NEBL: variants seen among roughly 807,000 people sequenced by gnomAD.
NEBL encodes the protein nebulette, also known as LIM and SH3 protein 2.
Under a neutral mutation model 140.2 loss-of-function variants are expected in NEBL, and 122 were observed. The ratio of observed to expected loss-of-function variants is 0.87; its 90% CI spans 0.75 to 1.01. The LOEUF (loss-of-function observed/expected upper bound fraction) is 1.01. Among genes scored for constraint, NEBL ranks in the 50% least tolerant of loss-of-function variants. The probability of loss-of-function intolerance (pLI) is 0.00; values close to 1 mark genes in which losing one functional copy is unlikely to be tolerated. For synonymous variants in NEBL, 436 were observed against 398.9 expected, an observed-to-expected ratio of 1.09 and a Z score of -1.11; for missense variants, 1,365 against 1,231.3, an observed-to-expected ratio of 1.11 and a Z score of -1.62.
intron 1 of NEBL, among the ~76,000 whole-genome samples, chr10:21,287,008 C>G (rs1843065007): frequency 6.6e-6 from 1 of 152,080 alleles, no homozygotes; most frequent in Admixed American, 6.6e-5. Flanking sequence ...TCAAAAAGGT[C>G]AAGATCCAAG....
intron 2 of NEBL, among the ~76,000 whole-genome samples, chr10:21,169,067 A>AAAAAATATATATAT (rs1554830679): frequency 6.5e-4 from 15 of 23,058 alleles, no homozygotes; most frequent in Non-Finnish European, 1.0e-3. Flanking sequence ...AAAAAAAAAA[A>AAAAAATATATATAT]ATATATATAT....
At chr10:20,838,834 C>A (rs2130956510) in intron 13 of NEBL, among the ~76,000 whole-genome samples, 1 of 152,266 alleles carries the variant, frequency 6.6e-6, no homozygotes, top group East Asian at 1.9e-4. Context: ...ATCAGATGAT[C>A]ATTAGCACTA....
In NEBL at chr10:20,939,405, A is replaced by G. The variant is rs372306679; in HGVS notation, c.357+22267T>C. ...ATGCTGAGAGATTTTGTCACCACCA[A>G]GCCTGCCCTAAAAGAGCTCCTGAAG... On this transcript the variant is annotated intron_variant, in intron 4 of 6. Coordinates refer to the NEBL transcript ENST00000417816. Among the ~76,000 whole-genome samples, 213 of 152,298 alleles carry G rather than the reference A, an allele frequency of 1.4e-3. 1 individual carries two copies. The highest frequency in any genetic ancestry group is 0.012 in the South Asian group (57 of 4,828).
chr10:21,118,882 G>C (rs1365466052), intron 2 of NEBL, among the ~76,000 whole-genome samples: 2 of 152,130 alleles, frequency 1.3e-5, no homozygotes, highest in Admixed American at 1.3e-4. Flanking sequence ...TTACAGTTCA[G>C]CACAAGTGAC....
At chr10:21,230,323 C>A (rs1842229312) in intron 3 of NEBL, among the ~76,000 whole-genome samples, 1 of 152,120 alleles carries the variant, frequency 6.6e-6, no homozygotes. Context: ...AAAGGGCTAA[C>A]AACACCTGTC....
chr10:20,854,781 T>C (rs566246785), intron 9 of NEBL, among the ~76,000 whole-genome samples: 8 of 151,854 alleles, frequency 5.3e-5, no homozygotes, highest in African/African-American at 1.7e-4. Context: ...CCCACGCTGG[T>C]CTCAAACTCC....
chr10:21,063,186 C>A (rs1485275251), intron 2 of NEBL, among the ~76,000 whole-genome samples: 1 of 152,094 alleles, frequency 6.6e-6, no homozygotes, highest in East Asian at 1.9e-4. Flanking sequence ...CCCTCTTAAC[C>A]CCATGCACAC....
chr10:20,928,010 AATAAT>A (rs1367767440), intron 4 of NEBL, among the ~76,000 whole-genome samples: 29 of 152,224 alleles, frequency 1.9e-4, no homozygotes, highest in African/African-American at 5.5e-4. Flanking sequence ...AAATGAACTT[AATAAT>A]ATATTTTTAA....
chr10:21,175,779 G>GT (rs1841285036), upstream of NEBL, among the ~76,000 whole-genome samples: 1 of 152,174 alleles, frequency 6.6e-6, no homozygotes, highest in Non-Finnish European at 1.5e-5. Context: ...CATTAGAAAT[G>GT]TATGACGAGG....
At chr10:21,267,694 T>C (rs1399197257) in intron 1 of NEBL, among the ~76,000 whole-genome samples, 2 of 152,224 alleles carry the variant, frequency 1.3e-5, no homozygotes, top group Non-Finnish European at 2.9e-5. Context: ...TAAAACTGCA[T>C]GGTCCAATAT....
chr10:20,930,341 A>G (rs1589029441), intron 4 of NEBL, among the ~76,000 whole-genome samples: 1 of 152,090 alleles, frequency 6.6e-6, no homozygotes, highest in Non-Finnish European at 1.5e-5. Flanking sequence ...ACTGAAATTC[A>G]TCTTCTTTTC....
chr10:21,161,487 C>T (rs1213603611), intron 2 of NEBL, among the ~76,000 whole-genome samples: 2 of 152,106 alleles, frequency 1.3e-5, no homozygotes, highest in Non-Finnish European at 2.9e-5. Flanking sequence ...GCACACAGCA[C>T]GTGTGCTTGT....
intron 3 of NEBL, among the ~76,000 whole-genome samples, chr10:20,973,303 G>C (rs892799122): frequency 6.7e-6 from 1 of 150,248 alleles, no homozygotes; most frequent in Non-Finnish European, 1.5e-5. Context: ...ATGGAGTGCA[G>C]TGGCATGATC....
intron 17 of NEBL, among the ~76,000 whole-genome samples, chr10:20,828,037 A>G (rs1270904410): frequency 6.6e-6 from 1 of 152,108 alleles, no homozygotes; most frequent in Non-Finnish European, 1.5e-5. Context: ...AAGTTTACCT[A>G]TGTAAAAACC....
At chr10:21,291,504 T>TAAAA (rs747203288) in intron 1 of NEBL, among the ~76,000 whole-genome samples, 1 of 116,602 alleles carries the variant, frequency 8.6e-6, no homozygotes, top group Non-Finnish European at 1.8e-5. Flanking sequence ...AGACTCTGTC[T>TAAAA]AAAAAAAAAA....
At chr10:20,900,644 T>C (rs1416616620), upstream of NEBL, among the ~76,000 whole-genome samples, 1 of 144,834 alleles carries the variant, frequency 6.9e-6, no homozygotes, top group East Asian at 2.0e-4. Flanking sequence ...GGCAACATGG[T>C]GAAACCCCAT....
chr10:20,884,481 G>A (rs1002402294), intron 4 of NEBL, among the ~76,000 whole-genome samples: 1 of 152,210 alleles, frequency 6.6e-6, no homozygotes, highest in Non-Finnish European at 1.5e-5. Flanking sequence ...ACTGGCCAAG[G>A]AGGTCAAGTA....
chr10:21,201,870 A>G (rs1285294157), intron 3 of NEBL, among the ~76,000 whole-genome samples: 1 of 152,152 alleles, frequency 6.6e-6, no homozygotes, highest in Non-Finnish European at 1.5e-5. Context: ...GTCACGCACA[A>G]TTTTTAGGAA....
At chr10:20,889,455 T>C (rs568010997) in intron 3 of NEBL, among the ~76,000 whole-genome samples, 10 of 152,326 alleles carry the variant, frequency 6.6e-5, no homozygotes, top group African/African-American at 2.4e-4. Flanking sequence ...CTGGTAAATC[T>C]TATTTATTTC....
Sources: gnomAD v4.1 joint callset for allele counts (sites outside exome capture counted in the v4.1 genomes callset) on GRCh38, gnomAD v4.1.1 for gene constraint, MANE v1.5 for transcripts, NCBI Gene and HGNC (gene_info 2026-07-23, HGNC 2026-07-21) for gene names.